SEC23B: variants seen among roughly 807,000 people sequenced by gnomAD.
SEC23B encodes SEC23 homolog B, COPII component, also known as protein transport protein Sec23B.
In SEC23B, 77 loss-of-function variants were observed where a neutral mutation model predicts 104.3. The ratio of observed to expected loss-of-function variants is 0.74; its 90% CI spans 0.61 to 0.89. The LOEUF is 0.89. Ranked by LOEUF, SEC23B falls within the 40% of genes least tolerant of loss-of-function variation. SEC23B has a pLI of 0.00. For missense variants in SEC23B, 885 were observed against 949.4 expected (o/e 0.93, Z 0.89); for synonymous variants, 338 against 332.5 (o/e 1.02, Z -0.18).
intron 18 of SEC23B, 123 bp from the exon 19 acceptor site, chr20:18,554,960 AGTAAAACAATTCTAATTAGATTACT>A: frequency 1.0e-4 from 8 of 76,784 alleles, no homozygotes; most frequent in Non-Finnish European, 1.9e-4. Context: ...ATTACTGTGC[AGTAAAACAATTCTAATTAGATTACT>A]GTGCAGTAAA....
At chr20:18,544,562 AG>A (rs2060315391) in intron 14 of SEC23B, among the ~76,000 whole-genome samples, 1 of 152,142 alleles carries the variant, frequency 6.6e-6, no homozygotes, top group South Asian at 2.1e-4. Context: ...GTGTCACAGG[AG>A]GCTAGGTTGT....
chr20:18,528,540 A>C (rs563363401), intron 9 of SEC23B, among the ~76,000 whole-genome samples: 3 of 152,194 alleles, frequency 2.0e-5, no homozygotes, highest in East Asian at 1.9e-4. Flanking sequence ...GAGCTGTGGA[A>C]TGGGCCTGAG....
intron 13 of SEC23B, 59 bp from the exon 14 acceptor site, chr20:18,542,960 A>T: frequency 6.2e-7 from 1 of 1,605,426 alleles, no homozygotes; most frequent in Non-Finnish European, 8.5e-7. Flanking sequence ...TTCTGAATGG[A>T]TGTCTGGCTT....
intron 19 of SEC23B, among the ~76,000 whole-genome samples, 169 bp downstream of exon 19, chr20:18,555,342 G>T (rs1242114070): frequency 1.3e-5 from 2 of 152,046 alleles, no homozygotes; most frequent in Non-Finnish European, 1.5e-5. Context: ...AACATTACTG[G>T]GCCGGAGGTT....
intron 4 of SEC23B, among the ~76,000 whole-genome samples, chr20:18,518,505 G>A (rs1017781601): frequency 6.6e-6 from 1 of 151,876 alleles, no homozygotes; most frequent in African/African-American, 2.4e-5. Flanking sequence ...TAAGAGGCAG[G>A]CTAATGGCTT....
intron 2 of SEC23B, 65 bp downstream of exon 2, chr20:18,511,121 T>A: frequency 1.5e-6 from 2 of 1,306,774 alleles, no homozygotes; most frequent in Non-Finnish European, 2.2e-6. Flanking sequence ...TATGTGATGC[T>A]CATAAAAGTC....
intron 1 of SEC23B, among the ~76,000 whole-genome samples, chr20:18,508,734 T>G (rs1367215842): frequency 2.7e-5 from 4 of 147,568 alleles, no homozygotes; most frequent in African/African-American, 1.0e-4. Flanking sequence ...TTTTTTTTTT[T>G]TTTGAGATGG....
rs2060488733 is a variant in SEC23B at position 18,561,140 on chromosome 20, G to GT, written c.*401dup. 3.6e-6 allele frequency: 1 copy of GT among 274,162 alleles called. No homozygotes were observed. Among genetic ancestry groups the GT allele is most frequent in the African/African-American group, 2.3e-5 (1 of 44,134 alleles). 17.0% of individuals were successfully genotyped at this position (274,162 alleles called of 1,614,324 possible). A position where few individuals can be genotyped will look rare whatever the true frequency, so the allele number is the denominator to read the frequency against. On this transcript the variant is annotated 3_prime_UTR_variant, in exon 20 of 20. Transcript: ENST00000650089. ...TTTCCTGAGGTCTCTGTGTGAGTGT[G>GT]TATGTGTTTTAAGTGACTTCCTTAA...
In SEC23B at chr20:18,554,960, AGT is replaced by A; in HGVS notation, c.2149-147_2149-146del. Reference sequence around the variant, plus strand: ...AAGCTAAAGAAATAGATTACTGTGCAGTAAAACAATTCTAATTAGATTACTGT... The same window carrying A: ...AAGCTAAAGAAATAGATTACTGTGCAAAAACAATTCTAATTAGATTACTGT... On this transcript the variant is annotated intron_variant, in intron 18 of 19. Coordinates refer to ENST00000650089, the MANE Select transcript of SEC23B (RefSeq NM_006363.6). 37 of 76,784 alleles carry A rather than the reference AGT, an allele frequency of 4.8e-4. 12 individuals are homozygous for A. Among genetic ancestry groups the A allele is most frequent in the South Asian group, 9.8e-4 (6 of 6,146 alleles). 4.8% of individuals were successfully genotyped at this position (76,784 alleles called of 1,614,324 possible).
intron 3 of SEC23B, among the ~76,000 whole-genome samples, chr20:18,513,040 C>G (rs1231140924): frequency 6.6e-6 from 1 of 152,290 alleles, no homozygotes; most frequent in Admixed American, 6.5e-5. Flanking sequence ...AAAAATTAGC[C>G]AGGAGTGGTG....
intron 9 of SEC23B, among the ~76,000 whole-genome samples, chr20:18,529,502 C>T (rs909974506): frequency 6.6e-6 from 1 of 152,194 alleles, no homozygotes; most frequent in African/African-American, 2.4e-5. Flanking sequence ...TGGCGGTAGG[C>T]AGTCCGGGGC....
intron 1 of SEC23B, among the ~76,000 whole-genome samples, chr20:18,508,658 G>C (rs951879933): frequency 2.4e-4 from 37 of 151,800 alleles, no homozygotes; most frequent in African/African-American, 8.9e-4. Context: ...GTAGGAAAAG[G>C]AGGGAGCAGG....
intron 15 of SEC23B, 59 bp from the exon 16 acceptor site, chr20:18,548,550 T>C: frequency 2.6e-6 from 4 of 1,537,046 alleles, no homozygotes; most frequent in Non-Finnish European, 2.7e-6. Flanking sequence ...ATCTACTCTG[T>C]GGGTGTCTAA....
chr20:18,550,551 G>GT (rs1255710854), intron 16 of SEC23B, among the ~76,000 whole-genome samples: 7 of 152,214 alleles, frequency 4.6e-5, no homozygotes, highest in African/African-American at 1.7e-4. Flanking sequence ...GAGAATGTCT[G>GT]TAGAGATTGC....
chr20:18,508,676 C>T (rs2059953917), intron 1 of SEC23B, among the ~76,000 whole-genome samples: 1 of 148,212 alleles, frequency 6.7e-6, no homozygotes, highest in Non-Finnish European at 1.5e-5. Flanking sequence ...AGGTCTTAGG[C>T]TGTACATGCT....
intron 14 of SEC23B, 47 bp downstream of exon 14, chr20:18,543,219 AC>A (rs745905535): frequency 6.2e-7 from 1 of 1,611,864 alleles, no homozygotes; most frequent in Non-Finnish European, 8.5e-7. Flanking sequence ...TTTCTGCTTT[AC>A]TTTCGAGAAG....
At position 18,515,675 on chromosome 20, in the gene SEC23B, C is replaced by G; in HGVS notation, c.305C>G (p.Ser102Cys). The G allele has an allele frequency of 6.2e-7, 1 of 1,610,668 alleles. No individual in the cohort carries two copies. The change falls in exon 4 of 20, where the codon TCT becomes TGT. Residue 102 changes from serine to cysteine, a missense_variant. Ser to Cys is a moderately radical substitution (Grantham distance 112). Transcript: ENST00000650089. ...NQFPPAYGGI[S>C]EVNQPAELMP... Reference sequence around the variant, plus strand: ...TTTCCTCCAGCTTATGGAGGCATATCTGAGGTGAATCAACCTGCCGAATTG... The same window carrying G: ...TTTCCTCCAGCTTATGGAGGCATATGTGAGGTGAATCAACCTGCCGAATTG...
intron 9 of SEC23B, among the ~76,000 whole-genome samples, chr20:18,529,538 C>G (rs6081184): frequency 2.0e-5 from 3 of 151,596 alleles, no homozygotes; most frequent in Non-Finnish European, 4.4e-5. Context: ...GTCATCATTA[C>G]GGGCTGAGGC....
chr20:18,515,622 C>G, intron 3 of SEC23B, 28 bp from the exon 4 acceptor site: 1 of 1,330,336 alleles, frequency 7.5e-7, no homozygotes, highest in Non-Finnish European at 1.1e-6. Context: ...TTATGCCAAC[C>G]CTAATAAAAC....
Sources: allele counts gnomAD v4.1 joint callset (sites outside exome capture counted in the v4.1 genomes callset), GRCh38; gene constraint gnomAD v4.1.1; transcripts MANE v1.5; gene names NCBI Gene and HGNC (gene_info 2026-07-23, HGNC 2026-07-21).